Variants in SUPT20H observed in about 807,000 individuals in gnomAD.
SUPT20H encodes SPT20 homolog, SAGA complex component.
A neutral mutation model predicts 122.8 loss-of-function variants in SUPT20H; 82 were observed. The ratio of observed to expected loss-of-function variants is 0.67; its 90% CI spans 0.56 to 0.80. The LOEUF is 0.80. Among genes scored for constraint, SUPT20H ranks in the 30% least tolerant of loss-of-function variants. The probability of loss-of-function intolerance (pLI) is 0.00; values close to 1 mark genes in which losing one functional copy is unlikely to be tolerated. For missense variants in SUPT20H, 831 were observed against 921.6 expected, an observed-to-expected ratio of 0.90 and a Z score of 1.27; for synonymous variants, 291 against 313.0, an observed-to-expected ratio of 0.93 and a Z score of 0.74.
intron 9 of SUPT20H, among the ~76,000 whole-genome samples, chr13:37,037,676 TACTCA>T (rs1303406504): frequency 2.6e-5 from 4 of 152,196 alleles, no homozygotes; most frequent in Admixed American, 6.5e-5. Context: ...TCCTATCCTA[TACTCA>T]ACTCAACTAC....
intron 7 of SUPT20H, among the ~76,000 whole-genome samples, chr13:37,041,461 T>A (rs1446079770): frequency 6.7e-6 from 1 of 149,836 alleles, no homozygotes; most frequent in Non-Finnish European, 1.5e-5. Flanking sequence ...GGGCTTGCAG[T>A]GAGCCGAGAT....
chr13:37,026,851 TG>T (rs768811100), intron 14 of SUPT20H, 35 bp from the exon 15 acceptor site: 9 of 1,376,178 alleles, frequency 6.5e-6, no homozygotes, highest in Non-Finnish European at 7.7e-6. Context: ...GCTTAGTTAA[TG>T]CAGCTCAAAC....
chr13:37,026,978 C>T (rs2062402520), intron 14 of SUPT20H, among the ~76,000 whole-genome samples, 162 bp from the exon 15 acceptor site: 1 of 151,972 alleles, frequency 6.6e-6, no homozygotes, highest in Non-Finnish European at 1.5e-5. Context: ...CTCTTCCTGT[C>T]AAACAAATTA....
chr13:37,015,412 A>C (rs1268613647), intron 23 of SUPT20H, among the ~76,000 whole-genome samples: 1 of 151,628 alleles, frequency 6.6e-6, no homozygotes, highest in Admixed American at 6.6e-5. Context: ...CCACACCACT[A>C]GTCATTAAGG....
rs1369688787 is a variant in SUPT20H, at chr13:37,025,303, A to G, written c.1329+17T>C. The G allele has an allele frequency of 6.4e-7, 1 of 1,558,074 alleles. No homozygotes were observed. The highest frequency in any genetic ancestry group is 1.7e-5 in the Admixed American group (1 of 59,928). ...TGAAACAACTGGGCACAAAGAAGTAACATTAATGAAACACACATCTGTTTC... is the reference window on the plus strand; with the variant it reads ...TGAAACAACTGGGCACAAAGAAGTAGCATTAATGAAACACACATCTGTTTC... On this transcript the variant is annotated intron_variant, in intron 17 of 25. Coordinates refer to ENST00000350612, the MANE Select transcript of SUPT20H (RefSeq NM_001014286.3).
At chr13:37,012,143 A>G (rs1593787482) in intron 24 of SUPT20H, 49 bp downstream of exon 24, 3 of 1,419,450 alleles carry the variant, frequency 2.1e-6, no homozygotes. Flanking sequence ...TCCCAAATAG[A>G]TTAGATATGT....
chr13:37,022,955 T>C lies in SUPT20H; in HGVS notation c.1592-875A>G. The C allele has an allele frequency of 8.0e-7, 1 of 1,244,360 alleles. No individual in the cohort carries two copies. Among genetic ancestry groups the C allele is most frequent in the Non-Finnish European group, 1.0e-6 (1 of 967,344 alleles). The allele number at this position is 1,244,360 out of a possible 1,614,324, so 77.1% of individuals were successfully genotyped here. ...TTGTGAATGAAGTATGCACAGTTTA[T>C]CAATTTTTTAAAAAACAAAAACAAA... On this transcript the variant is annotated intron_variant, in intron 19 of 25. Transcript: ENST00000350612. The surrounding 1 kb of genome is among the most constrained non-coding windows in gnomAD (Gnocchi z 4.5).
chr13:37,013,659 T>C (rs1482336909), intron 23 of SUPT20H: 1 of 151,972 alleles, frequency 6.6e-6, no homozygotes, highest in African/African-American at 2.4e-5. Flanking sequence ...AATTAAAAAC[T>C]TTTGCTCTGC....
chr13:37,026,348 G>A (rs1594107621), intron 15 of SUPT20H, 112 bp from the exon 16 acceptor site: 1 of 777,666 alleles, frequency 1.3e-6, no homozygotes, highest in African/African-American at 1.8e-5. Flanking sequence ...AATATAAACT[G>A]GTATTAAATC....
intron 6 of SUPT20H, 88 bp from the exon 7 acceptor site, chr13:37,044,269 T>C: frequency 2.0e-6 from 2 of 991,472 alleles, no homozygotes; most frequent in Non-Finnish European, 2.9e-6. Context: ...GAACTATATA[T>C]AATAAAACCA....
Position 37,033,592 on chromosome 13 carries a change from A to G in SUPT20H, c.568-4T>C. 4 of 1,612,862 alleles carry G rather than the reference A, an allele frequency of 2.5e-6. No homozygotes were observed. The highest frequency in any genetic ancestry group is 3.4e-6 in the Non-Finnish European group (4 of 1,179,428). On this transcript the variant is annotated splice_region_variant and splice_polypyrimidine_tract_variant and intron_variant, in intron 9 of 25. Coordinates refer to ENST00000350612, the MANE Select transcript of SUPT20H (RefSeq NM_001014286.3). ...TCTCAAGCAAAAGTTTGTCTTCCTG[A>G]AATGTGTAAGAGCATATGTCAATAC...
intron 5 of SUPT20H, chr13:37,046,715 T>C (rs2066513629): frequency 6.6e-6 from 1 of 152,172 alleles, no homozygotes. Context: ...GATGGTTTCA[T>C]GAGGTGTTTC....
chr13:37,040,770 A>T (rs1054561711), intron 7 of SUPT20H, 78 bp from the exon 8 acceptor site: 6 of 1,053,388 alleles, frequency 5.7e-6, no homozygotes, highest in Admixed American at 5.4e-5. Context: ...AACATTTCGC[A>T]TTCTTTACAT....
intron 12 of SUPT20H, 88 bp downstream of exon 12, chr13:37,031,477 GTT>G: frequency 5.5e-6 from 4 of 727,886 alleles, no homozygotes; most frequent in South Asian, 3.0e-5. Flanking sequence ...TTTAAAGTAA[GTT>G]TTTTTTTTGT....
rs545637251 is a variant in SUPT20H at position 37,010,860 on chromosome 13, CAA to C, written c.2099-207_2099-206del. The C allele has an allele frequency of 1.3e-3, 626 of 464,774 alleles. 2 individuals carry two copies. The highest frequency in any genetic ancestry group is 0.011 in the African/African-American group (549 of 51,910). The allele number at this position is 464,774 out of a possible 1,614,324, so 28.8% of individuals were successfully genotyped here. On this transcript the variant is annotated intron_variant, in intron 24 of 25. Coordinates refer to ENST00000350612, the MANE Select transcript of SUPT20H (RefSeq NM_001014286.3). ...CACTGATAATGGAACTTTCTGGACA[CAA>C]AAAGAGAAGGGAGTGCATTATGTAT... is the stretch of plus-strand genomic sequence containing the variant.
chr13:37,058,177 A>C (rs2069650202), intron 1 of SUPT20H, among the ~76,000 whole-genome samples: 1 of 151,910 alleles, frequency 6.6e-6, no homozygotes, highest in African/African-American at 2.4e-5. Flanking sequence ...GAGGCAGGAG[A>C]ATGGCTTGAA....
At chr13:37,041,182 C>T (rs566725449) in intron 7 of SUPT20H, among the ~76,000 whole-genome samples, 6 of 152,118 alleles carry the variant, frequency 3.9e-5, no homozygotes, top group Non-Finnish European at 7.4e-5. Context: ...TTGCCCTTAG[C>T]CTTTATTAAT....
chr13:37,010,688 C>A lies in SUPT20H; in HGVS notation c.2099-33G>T. On this transcript the variant is annotated intron_variant, in intron 24 of 25. Coordinates refer to ENST00000350612, the MANE Select transcript of SUPT20H (RefSeq NM_001014286.3). The stretch of plus-strand genomic sequence containing the variant: ...GAGGAGAAGGGGAAAGCAGGCCAGT[C>A]AAAAAGTTTGAAGGCTACCAGGGTT... The A allele has an allele frequency of 3.8e-6, 6 of 1,572,212 alleles. No homozygotes were observed. In the South Asian group the frequency reaches 4.5e-5, roughly 12 times the overall value.
At chr13:37,044,212 T>A (rs1312274720) in intron 6 of SUPT20H, 31 bp from the exon 7 acceptor site, 8 of 1,545,508 alleles carry the variant, frequency 5.2e-6, no homozygotes, top group Non-Finnish European at 7.1e-6. Context: ...TTGAAAATGA[T>A]CATGCTCACT....
Sources: gnomAD v4.1 joint callset for allele counts (sites outside exome capture counted in the v4.1 genomes callset) on GRCh38, gnomAD v4.1.1 for gene constraint, Gnocchi (gnomAD v3.1) non-coding constraint, MANE v1.5 for transcripts, NCBI Gene and HGNC (gene_info 2026-07-23, HGNC 2026-07-21) for gene names.